Variants in CEP57L1 observed in about 807,000 individuals in gnomAD.
The protein encoded by CEP57L1 is centrosomal protein 57 like 1.
Under a neutral mutation model 61.0 loss-of-function variants are expected in CEP57L1, and 37 were observed. The observed-to-expected ratio is 0.61, with a 90% CI of 0.47 to 0.80. The LOEUF (loss-of-function observed/expected upper bound fraction) is 0.80, where lower values mean the gene tolerates loss of function less well. CEP57L1 is among the 30% of genes least tolerant of loss of function. The pLI is 0.00. For synonymous variants in CEP57L1, 137 were observed against 162.3 expected (o/e 0.84, Z 1.19); for missense variants, 422 against 524.7 (o/e 0.80, Z 1.91).
chr6:109,173,952 T>C lies in CEP57L1; in HGVS notation c.*10982T>C, dbSNP rs1054387681. On this transcript the variant is annotated 3_prime_UTR_variant, in exon 11 of 11. Transcript: ENST00000517392. ...TCTCTACTAAAAAAAAAAAAAAAAT[T>C]AGCTGGGTGTGGTGGCATGCACCTG... Among the ~76,000 whole-genome samples the C allele has an allele frequency of 2.3e-4, 35 of 150,492 alleles. No homozygotes were observed. In the South Asian group the frequency reaches 3.8e-3, roughly 16 times the overall value.
chr6:109,101,736 C>T lies in CEP57L1; in HGVS notation c.-4+6161C>T, dbSNP rs574882560. On this transcript the variant is annotated intron_variant, in intron 1 of 10. Coordinates refer to ENST00000517392, the MANE Select transcript of CEP57L1 (RefSeq NM_001271852.3). Reference sequence around the variant, plus strand: ...CCGGGTTCACGCCATTCTCCTGCCTCAGCCTCCTGAGTAGCTGGGATTACA... The same window carrying T: ...CCGGGTTCACGCCATTCTCCTGCCTTAGCCTCCTGAGTAGCTGGGATTACA... Among the ~76,000 whole-genome samples the T allele has an allele frequency of 4.6e-5, 7 of 152,160 alleles. No homozygotes were observed. The South Asian group carries it at 6.2e-4, about 14-fold the overall frequency.
chr6:109,120,957 C>CACACACACACACAG (rs1332576863), intron 1 of CEP57L1, among the ~76,000 whole-genome samples: 26 of 141,178 alleles, frequency 1.8e-4, no homozygotes, highest in African/African-American at 6.8e-4. Context: ...CACACACACA[C>CACACACACACACAG]AGTCACTCAC....
rs1294190788 is a variant in CEP57L1, at chr6:109,164,152, CTATA to C, written c.*1183_*1186del. On this transcript the variant is annotated 3_prime_UTR_variant, in exon 11 of 11. Transcript: ENST00000517392. The stretch of plus-strand genomic sequence containing the variant: ...ACCCACAGCTGATGGAATGTTCAAG[CTATA>C]GATGTGAAAGAATTTTTAGGTCAGG... Among the ~76,000 whole-genome samples the C allele has an allele frequency of 1.2e-4, 18 of 152,280 alleles. No homozygotes were observed. The highest frequency in any genetic ancestry group is 4.1e-4 in the African/African-American group (17 of 41,568).
chr6:109,133,284 A>C (rs893823679), intron 1 of CEP57L1, among the ~76,000 whole-genome samples: 14 of 152,284 alleles, frequency 9.2e-5, no homozygotes, highest in Non-Finnish European at 1.3e-4. Flanking sequence ...ACCCTAGATC[A>C]TTCCAGATCA....
intron 1 of CEP57L1, among the ~76,000 whole-genome samples, chr6:109,138,479 TATA>T (rs1770986591): frequency 2.0e-5 from 3 of 152,204 alleles, no homozygotes; most frequent in Non-Finnish European, 4.4e-5. Context: ...TGATGACATT[TATA>T]ATAATTTTTG....
intron 1 of CEP57L1, among the ~76,000 whole-genome samples, chr6:109,100,590 G>A (rs537649815): frequency 2.1e-5 from 3 of 146,068 alleles, no homozygotes; most frequent in South Asian, 2.2e-4. Flanking sequence ...CAGGAGAATC[G>A]CTTGAACCCA....
intron 1 of CEP57L1, among the ~76,000 whole-genome samples, chr6:109,123,423 C>T: frequency 6.6e-6 from 1 of 152,110 alleles, no homozygotes; most frequent in East Asian, 1.9e-4. Context: ...TTCTCAGATG[C>T]CTTATGTAAA....
chr6:109,097,921 A>G (rs775158459), intron 1 of CEP57L1, among the ~76,000 whole-genome samples: 3 of 152,230 alleles, frequency 2.0e-5, no homozygotes, highest in African/African-American at 7.2e-5. Context: ...CTGAGTGCGC[A>G]TTTGAGAAAT....
At chr6:109,129,818 T>C (rs1773977666) in intron 1 of CEP57L1, among the ~76,000 whole-genome samples, 1 of 149,220 alleles carries the variant, frequency 6.7e-6, no homozygotes. Context: ...TAAAATTTTT[T>C]TTTTAATTTA....
At position 109,168,202 on chromosome 6, in the gene CEP57L1, T is replaced by C. The variant is rs1401736183; in HGVS notation, c.*5232T>C. On this transcript the variant is annotated 3_prime_UTR_variant, in exon 11 of 11. Coordinates refer to ENST00000517392, the MANE Select transcript of CEP57L1 (RefSeq NM_001271852.3). The stretch of plus-strand genomic sequence containing the variant: ...CAGTATTGGTCTAGGATTTTCACTC[T>C]TTATTAGGCTTCTTGATTGAAGATA... Among the ~76,000 whole-genome samples, 1 of 152,260 alleles carries C rather than the reference T, an allele frequency of 6.6e-6. No individual in the cohort carries two copies. The highest frequency in any genetic ancestry group is 1.5e-5 in the Non-Finnish European group (1 of 68,040).
At position 109,129,403 on chromosome 6, in the gene CEP57L1, A is replaced by G; in HGVS notation, c.-3-15816A>G. 5 of 939,908 alleles carry G rather than the reference A, an allele frequency of 5.3e-6. No individual in the cohort carries two copies. In the South Asian group the frequency reaches 6.8e-5, roughly 13 times the overall value. 58.2% of individuals were successfully genotyped at this position (939,908 alleles called of 1,614,324 possible). On this transcript the variant is annotated intron_variant, in intron 1 of 10. Coordinates refer to ENST00000517392, the MANE Select transcript of CEP57L1 (RefSeq NM_001271852.3). ...AGCTTCCAGTGTGGTGCCCTCCCTC[A>G]ATTGTGCTGAGTGTCCCCCAATCCA...
rs1562156473 is a variant in CEP57L1 at position 109,163,708 on chromosome 6, A to G, written c.*738A>G. ...CCATCAGTATAAATTGAGACTGTGA[A>G]TTTCTAGGACCCACAAAAGTGGTAT... is the stretch of plus-strand genomic sequence containing the variant. On this transcript the variant is annotated 3_prime_UTR_variant, in exon 11 of 11. Coordinates refer to ENST00000517392, the MANE Select transcript of CEP57L1 (RefSeq NM_001271852.3). 6.6e-6 allele frequency: 1 copy of G among 152,004 alleles called. No individual in the cohort carries two copies. The highest frequency in any genetic ancestry group is 2.4e-5 in the African/African-American group (1 of 41,394). The allele number at this position is 152,004 out of a possible 1,614,324, so 9.4% of individuals were successfully genotyped here.
At chr6:109,127,862 T>A (rs1353967312) in intron 1 of CEP57L1, among the ~76,000 whole-genome samples, 2 of 151,856 alleles carry the variant, frequency 1.3e-5, no homozygotes, top group Non-Finnish European at 2.9e-5. Flanking sequence ...TCTGCTGACC[T>A]CGTGATCCGC....
intron 1 of CEP57L1, among the ~76,000 whole-genome samples, chr6:109,096,669 G>A (rs1291450181): frequency 6.6e-6 from 1 of 152,198 alleles, no homozygotes; most frequent in African/African-American, 2.4e-5. Context: ...TAGTTCTGAT[G>A]AATTGGTCTA....
At chr6:109,150,968 A>G (rs770561463) in intron 4 of CEP57L1, among the ~76,000 whole-genome samples, 2 of 152,192 alleles carry the variant, frequency 1.3e-5, no homozygotes, top group Non-Finnish European at 2.9e-5. Context: ...CCTTTGGTAG[A>G]AGGTCAGAGA....
In CEP57L1 at chr6:109,153,805, G is replaced by T. The variant is rs773585830; in HGVS notation, c.463-28G>T. 16 of 1,359,286 alleles carry T rather than the reference G, an allele frequency of 1.2e-5. No individual in the cohort carries two copies. The South Asian group carries it at 1.9e-4, about 16-fold the overall frequency. 84.2% of individuals were successfully genotyped at this position (1,359,286 alleles called of 1,614,324 possible). On this transcript the variant is annotated intron_variant, in intron 4 of 10. Transcript: ENST00000517392. ...ATTGGCATTACTTGCCAAATTCAGG[G>T]TTGCTATTTTATTTTTATCCTTTCT... is the stretch of plus-strand genomic sequence containing the variant.
rs1056595278 is a variant in CEP57L1, at chr6:109,108,241, CT to C, written c.-4+12682del. 4.1e-3 allele frequency among the ~76,000 whole-genome samples: 571 copies of C among 137,948 alleles called. 1 individual carries two copies. The highest frequency in any genetic ancestry group is 6.2e-3 in the African/African-American group (234 of 37,966). 90.5% of individuals were successfully genotyped at this position (137,948 alleles called of 152,430 possible). A position where few individuals can be genotyped will look rare whatever the true frequency, so the allele number is the denominator to read the frequency against. ...AATATTTAATGTTCTACATTTTTCT[CT>C]TTTTTTTTTTTTTTTGAGATAGAGT... On this transcript the variant is annotated intron_variant, in intron 1 of 10. Coordinates refer to ENST00000517392, the MANE Select transcript of CEP57L1 (RefSeq NM_001271852.3).
chr6:109,150,303 T>G (rs1772469083), intron 4 of CEP57L1, 64 bp downstream of exon 4: 2 of 1,549,974 alleles, frequency 1.3e-6, no homozygotes, highest in Non-Finnish European at 8.8e-7. Context: ...ATATTTTAAT[T>G]TCACGGGAAA....
intron 1 of CEP57L1, among the ~76,000 whole-genome samples, chr6:109,130,199 C>T (rs1182849317): frequency 1.3e-5 from 2 of 152,136 alleles, no homozygotes; most frequent in African/African-American, 4.8e-5. Context: ...AAAACTGAAA[C>T]TCTGTAACTC....
Sources: gnomAD v4.1 joint callset for allele counts (sites outside exome capture counted in the v4.1 genomes callset) on GRCh38, gnomAD v4.1.1 for gene constraint, MANE v1.5 for transcripts, NCBI Gene and HGNC (gene_info 2026-07-23, HGNC 2026-07-21) for gene names.